Variants in TMEM38B observed in about 807,000 individuals in gnomAD.
The protein encoded by TMEM38B is trimeric intracellular cation channel type B.
A neutral mutation model predicts 28.7 loss-of-function variants in TMEM38B; 24 were observed. The ratio of observed to expected loss-of-function variants is 0.84; its 90% CI spans 0.61 to 1.18. TMEM38B has a LOEUF of 1.18. TMEM38B is among the 50% of genes most tolerant of loss of function. TMEM38B has a pLI of 0.00. For synonymous variants in TMEM38B, 131 were observed against 127.7 expected, an observed-to-expected ratio of 1.03 and a Z score of -0.17; for missense variants, 380 against 350.9, an observed-to-expected ratio of 1.08 and a Z score of -0.66.
chr9:105,707,505 A>G (rs2133556060), intron 2 of TMEM38B, among the ~76,000 whole-genome samples: 1 of 152,274 alleles, frequency 6.6e-6, no homozygotes, highest in Admixed American at 6.5e-5. Flanking sequence ...GTTCATTTTT[A>G]TTGTGATAAT....
intron 5 of TMEM38B, among the ~76,000 whole-genome samples, chr9:105,772,331 T>TAAAG: frequency 6.6e-6 from 1 of 152,308 alleles, no homozygotes; most frequent in South Asian, 2.1e-4. Context: ...TGGGCTGTAT[T>TAAAG]GACCTCAGGT....
intron 4 of TMEM38B, among the ~76,000 whole-genome samples, chr9:105,726,451 C>T (rs978471848): frequency 6.6e-6 from 1 of 152,134 alleles, no homozygotes; most frequent in Middle Eastern, 3.4e-3. Flanking sequence ...ACATTAGCCT[C>T]GGCCTACCCA....
intron 1 of TMEM38B, among the ~76,000 whole-genome samples, chr9:105,695,844 G>A (rs1247966787): frequency 1.3e-5 from 2 of 152,160 alleles, no homozygotes; most frequent in Non-Finnish European, 2.9e-5. Flanking sequence ...TACAAATTTT[G>A]ACCTGGATGA....
intron 5 of TMEM38B, among the ~76,000 whole-genome samples, chr9:105,761,861 T>A (rs1306364146): frequency 6.6e-6 from 1 of 152,180 alleles, no homozygotes; most frequent in Non-Finnish European, 1.5e-5. Context: ...CCTAAATGCT[T>A]TTTATAAACA....
chr9:105,711,111 G>A (rs1835884848), intron 2 of TMEM38B, among the ~76,000 whole-genome samples: 1 of 152,150 alleles, frequency 6.6e-6, no homozygotes, highest in Non-Finnish European at 1.5e-5. Flanking sequence ...ATTTAGATTA[G>A]GAAAAAAATT....
intron 4 of TMEM38B, among the ~76,000 whole-genome samples, chr9:105,745,555 G>A (rs1399441941): frequency 2.0e-5 from 3 of 152,056 alleles, no homozygotes; most frequent in Non-Finnish European, 4.4e-5. Flanking sequence ...CACTCTGATG[G>A]TAGTTTCTTT....
At chr9:105,745,795 A>G (rs1384275124) in intron 4 of TMEM38B, among the ~76,000 whole-genome samples, 1 of 152,178 alleles carries the variant, frequency 6.6e-6, no homozygotes, top group East Asian at 1.9e-4. Flanking sequence ...AGTTTTCTAC[A>G]TATGGCTAGC....
At chr9:105,750,956 G>T (rs1012384423) in intron 5 of TMEM38B, among the ~76,000 whole-genome samples, 42 of 152,248 alleles carry the variant, frequency 2.8e-4, no homozygotes, top group Middle Eastern at 3.4e-3. Flanking sequence ...GTAAATTTGA[G>T]GGTTTATTTC....
chr9:105,771,397 T>A (rs1444250905), intron 5 of TMEM38B, among the ~76,000 whole-genome samples: 1 of 152,186 alleles, frequency 6.6e-6, no homozygotes, highest in Admixed American at 6.5e-5. Flanking sequence ...ACTTCTCAAC[T>A]GAGTGATGAG....
chr9:105,742,244 C>T (rs1380822692), intron 4 of TMEM38B, among the ~76,000 whole-genome samples: 1 of 152,220 alleles, frequency 6.6e-6, no homozygotes, highest in East Asian at 1.9e-4. Context: ...GTAGGAGCTA[C>T]AGGCCTAGAG....
chr9:105,736,063 T>G (rs900393526), intron 4 of TMEM38B, among the ~76,000 whole-genome samples: 4 of 151,768 alleles, frequency 2.6e-5, no homozygotes, highest in African/African-American at 7.3e-5. Flanking sequence ...TTGTTTTTTT[T>G]TTTTTTGGTA....
intron 5 of TMEM38B, chr9:105,758,526 A>G (rs1271401519): frequency 8.1e-6 from 10 of 1,231,732 alleles, no homozygotes; most frequent in Admixed American, 1.7e-5. Context: ...TCCTAAAGTT[A>G]CAAGACAACA....
At chr9:105,728,911 C>T (rs1423162842) in intron 4 of TMEM38B, among the ~76,000 whole-genome samples, 1 of 148,418 alleles carries the variant, frequency 6.7e-6, no homozygotes, top group South Asian at 2.1e-4. Flanking sequence ...CCTTTGCCCA[C>T]TTTTTGATGG....
chr9:105,739,921 C>T (rs1341416480), intron 4 of TMEM38B, among the ~76,000 whole-genome samples: 2 of 151,452 alleles, frequency 1.3e-5, no homozygotes, highest in Non-Finnish European at 2.9e-5. Context: ...CTTGCTCTGT[C>T]ACCTAGGTTG....
chr9:105,733,980 G>T (rs1836872990), intron 4 of TMEM38B, among the ~76,000 whole-genome samples: 1 of 151,276 alleles, frequency 6.6e-6, no homozygotes, highest in South Asian at 2.1e-4. Flanking sequence ...TTCCTTCTTT[G>T]TGCTAATTTT....
At chr9:105,728,070 CA>C (rs1283940586) in intron 4 of TMEM38B, among the ~76,000 whole-genome samples, 4 of 151,964 alleles carry the variant, frequency 2.6e-5, no homozygotes, top group African/African-American at 9.7e-5. Context: ...TATAAATTAC[CA>C]AGCCTCATGT....
rs141918988 is a variant in TMEM38B at position 105,709,308 on chromosome 9, A to G, written c.269+3555A>G. ...ACTGCACAATAAATCAGTTTATTAC[A>G]GATTAAAACAAATCATTTTTTAATT... On this transcript the variant is annotated intron_variant, in intron 2 of 5. Transcript: ENST00000374692. Among the ~76,000 whole-genome samples the G allele has an allele frequency of 9.3e-3, 1,423 of 152,324 alleles. 15 individuals are homozygous for G. Among genetic ancestry groups the G allele is most frequent in the African/African-American group, 0.032 (1,329 of 41,582 alleles).
chr9:105,722,471 C>A, intron 3 of TMEM38B, 63 bp from the exon 4 acceptor site: 2 of 1,255,806 alleles, frequency 1.6e-6, no homozygotes, highest in South Asian at 1.2e-5. Flanking sequence ...ATTATGGCTC[C>A]CTTTAAATAT....
At chr9:105,760,055 C>T in intron 5 of TMEM38B, 2 of 1,188,376 alleles carry the variant, frequency 1.7e-6, no homozygotes, top group Non-Finnish European at 2.5e-6. Context: ...CTTCCAGCTT[C>T]TTCTGTGTTG....
Sources: gnomAD v4.1 joint callset for allele counts (sites outside exome capture counted in the v4.1 genomes callset) on GRCh38, gnomAD v4.1.1 for gene constraint, MANE v1.5 for transcripts, NCBI Gene and HGNC (gene_info 2026-07-23, HGNC 2026-07-21) for gene names.